The following TPGS2 variants were observed in gnomAD, a reference collection of about 807,000 sequenced individuals.
TPGS2 encodes the protein tubulin polyglutamylase complex subunit 2, also known as polyglutamylase subunit 2.
A neutral mutation model predicts 31.1 loss-of-function variants in TPGS2; 26 were observed. The ratio of observed to expected loss-of-function variants is 0.84; its 90% CI spans 0.61 to 1.16. TPGS2 has a LOEUF of 1.16. Among genes scored for constraint, TPGS2 ranks in the 50% most tolerant of loss-of-function variants. The probability of loss-of-function intolerance (pLI) is 0.00; values close to 1 mark genes in which losing one functional copy is unlikely to be tolerated. For synonymous variants in TPGS2, 130 were observed against 136.6 expected, an observed-to-expected ratio of 0.95 and a Z score of 0.34; for missense variants, 351 against 363.8, an observed-to-expected ratio of 0.96 and a Z score of 0.29.
In TPGS2 at chr18:36,795,489, G is replaced by GTGAC. The variant is rs957142633; in HGVS notation, c.*1312_*1315dup. 2.0e-6 allele frequency: 2 copies of GTGAC among 985,440 alleles called. No individual in the cohort carries two copies. Among genetic ancestry groups the GTGAC allele is most frequent in the Admixed American group, 1.2e-4 (2 of 16,280 alleles). 61.0% of individuals were successfully genotyped at this position (985,440 alleles called of 1,614,324 possible). A position where few individuals can be genotyped will look rare whatever the true frequency, so the allele number is the denominator to read the frequency against. Reference sequence around the variant, plus strand: ...ACCCAAAGAACTTGGGGCTAGGTGGGTGACTCCCCACTTTCCCTGTTGGGA... The same window carrying GTGAC: ...ACCCAAAGAACTTGGGGCTAGGTGGGTGACTGACTCCCCACTTTCCCTGTTGGGA... On this transcript the variant is annotated 3_prime_UTR_variant, in exon 7 of 7. Transcript: ENST00000334295.
downstream of TPGS2, chr18:36,781,692 T>C: frequency 5.5e-6 from 5 of 904,788 alleles, no homozygotes; most frequent in Non-Finnish European, 6.6e-6. Flanking sequence ...CCTGGGGATA[T>C]GTGATTTATA....
In TPGS2 at chr18:36,796,302, T is replaced by C. The variant is rs1329696902; in HGVS notation, c.*503A>G. The C allele has an allele frequency of 1.0e-6, 1 of 981,724 alleles. No individual in the cohort carries two copies. The highest frequency in any genetic ancestry group is 1.7e-5 in the African/African-American group (1 of 57,146). The allele number at this position is 981,724 out of a possible 1,614,324, so 60.8% of individuals were successfully genotyped here. ...AGAACTTTCTGTGGTGATGGAAATGTTCCATATCTTTGTGCTAATACAGAA... is the reference window on the plus strand; with the variant it reads ...AGAACTTTCTGTGGTGATGGAAATGCTCCATATCTTTGTGCTAATACAGAA... On this transcript the variant is annotated 3_prime_UTR_variant, in exon 7 of 7. Coordinates refer to ENST00000334295, the MANE Select transcript of TPGS2 (RefSeq NM_015476.4).
At chr18:36,800,496 C>T (rs564899351) in intron 4 of TPGS2, among the ~76,000 whole-genome samples, 185 bp from the exon 5 acceptor site, 126 of 152,258 alleles carry the variant, frequency 8.3e-4, no homozygotes, top group Non-Finnish European at 1.1e-3. Context: ...TGGACTAGGC[C>T]TTCTGTCTGG....
chr18:36,821,299 C>T (rs940311847), intron 1 of TPGS2, among the ~76,000 whole-genome samples: 2 of 152,086 alleles, frequency 1.3e-5, no homozygotes, highest in African/African-American at 4.8e-5. Flanking sequence ...CAGACATTAG[C>T]GTGTAGAAGC....
downstream of TPGS2, among the ~76,000 whole-genome samples, chr18:36,792,672 G>A (rs2044356224): frequency 6.6e-6 from 1 of 152,148 alleles, no homozygotes; most frequent in Non-Finnish European, 1.5e-5. Flanking sequence ...AGTATGTCTG[G>A]AGGGGGATCT....
downstream of TPGS2, chr18:36,781,843 T>C (rs2044024417): frequency 1.0e-6 from 1 of 985,434 alleles, no homozygotes; most frequent in Non-Finnish European, 1.2e-6. Context: ...AAATAGTACA[T>C]GATGGATGTG....
chr18:36,825,304 C>T (rs2046081815), intron 1 of TPGS2, among the ~76,000 whole-genome samples: 1 of 151,788 alleles, frequency 6.6e-6, no homozygotes, highest in African/African-American at 2.4e-5. Context: ...TGGTGGTGGG[C>T]GCCTGGAGTC....
chr18:36,815,574 C>T lies in TPGS2; in HGVS notation c.165+3320G>A, dbSNP rs2045615069. Among the ~76,000 whole-genome samples the T allele has an allele frequency of 3.3e-5, 5 of 152,172 alleles. No homozygotes were observed. The South Asian group carries it at 1.0e-3, about 32-fold the overall frequency. On this transcript the variant is annotated intron_variant, in intron 2 of 6. Coordinates refer to ENST00000334295, the MANE Select transcript of TPGS2 (RefSeq NM_015476.4). ...ACCCACACACATAACCAAAAATACA[C>T]CAGCTGTGGTTATGTCTAGGTAGGA...
intron 1 of TPGS2, among the ~76,000 whole-genome samples, chr18:36,825,432 C>CAA (rs60365266): frequency 3.4e-4 from 26 of 77,320 alleles, no homozygotes; most frequent in South Asian, 5.0e-4. Flanking sequence ...ACTCCGTCTC[C>CAA]AAAAAAAAAA....
At chr18:36,780,255 C>T (rs575928858), downstream of TPGS2, 5 of 1,141,870 alleles carry the variant, frequency 4.4e-6, no homozygotes, top group African/African-American at 1.6e-5. Flanking sequence ...TATAATTGGG[C>T]CTAAGTCCTT....
chr18:36,800,319 C>T lies in TPGS2; in HGVS notation c.383-8G>A, dbSNP rs1471996478. The T allele has an allele frequency of 3.1e-6, 5 of 1,612,808 alleles. No individual in the cohort carries two copies. Among genetic ancestry groups the T allele is most frequent in the Non-Finnish European group, 4.2e-6 (5 of 1,178,968 alleles). ...CTGGCTGATCATCACTGGCTGCAAA[C>T]CCAGAAGTTAATGGTAATGTTCAAA... On this transcript the variant is annotated splice_region_variant and splice_polypyrimidine_tract_variant and intron_variant, in intron 4 of 6. Transcript: ENST00000334295.
At chr18:36,826,728 T>A (rs927713671) in intron 1 of TPGS2, among the ~76,000 whole-genome samples, 8 of 152,170 alleles carry the variant, frequency 5.3e-5, no homozygotes, top group African/African-American at 1.7e-4. Context: ...ATCTCCTGAG[T>A]CCTGTAATCC....
At position 36,828,900 on chromosome 18, in the gene TPGS2, G is replaced by GTCA. The variant is rs2046335349; in HGVS notation, c.-134_-133insTGA. 2.2e-5 allele frequency: 26 copies of GTCA among 1,169,186 alleles called. No homozygotes were observed. The highest frequency in any genetic ancestry group is 3.1e-5 in the Non-Finnish European group (26 of 841,012). The allele number at this position is 1,169,186 out of a possible 1,614,324, so 72.4% of individuals were successfully genotyped here. A position where few individuals can be genotyped will look rare whatever the true frequency, so the allele number is the denominator to read the frequency against. On this transcript the variant is annotated 5_prime_UTR_variant, in exon 1 of 7. Transcript: ENST00000334295. ...TGAAAGCGCGGCGCAGTGATGATGGGGGCCCGGGGTTGGTCTGACAGCAGC... is the reference window on the plus strand; with the variant it reads ...TGAAAGCGCGGCGCAGTGATGATGGGTCAGGCCCGGGGTTGGTCTGACAGCAGC...
Position 36,796,839 on chromosome 18 carries a change from G to T in TPGS2, c.869C>A (p.Ser290Tyr), listed in dbSNP as rs746670760. 1 of 1,605,374 alleles carries T rather than the reference G, an allele frequency of 6.2e-7. No individual in the cohort carries two copies. Among genetic ancestry groups the T allele is most frequent in the Admixed American group, 1.7e-5 (1 of 57,534 alleles). The change falls in exon 7 of 7, where the codon TCC becomes TAC. Residue 290 changes from serine to tyrosine, a missense_variant. Ser to Tyr is a moderately radical substitution (Grantham distance 144). Coordinates refer to ENST00000334295, the MANE Select transcript of TPGS2 (RefSeq NM_015476.4). Reference sequence around the variant, plus strand: ...GGTGGGGTTTCCAGAGCCAGAGGAGGATTTAGAAGTGGAGGAAGTGGAGGG... The same window carrying T: ...GGTGGGGTTTCCAGAGCCAGAGGAGTATTTAGAAGTGGAGGAAGTGGAGGG... ...SGPSTSSTSK[S>Y]SSGSGNPTRK
At chr18:36,786,697 G>T (rs2044138914) in intron 6 of TPGS2, 2 of 641,064 alleles carry the variant, frequency 3.1e-6, no homozygotes, top group African/African-American at 1.9e-5. Flanking sequence ...AAGGGAGGGG[G>T]TATGATGAGG....
At position 36,807,031 on chromosome 18, in the gene TPGS2, G is replaced by C. The variant is rs1002575081; in HGVS notation, c.253+816C>G. ...CAACAGAAGTCACTGCATTTTTAGG[G>C]ACAGCAGTGGGGAAATGTAGGGTAC... is the stretch of plus-strand genomic sequence containing the variant. On this transcript the variant is annotated intron_variant, in intron 3 of 6. Transcript: ENST00000334295. 4.0e-5 allele frequency among the ~76,000 whole-genome samples: 6 copies of C among 151,676 alleles called. No individual in the cohort carries two copies. In the East Asian group the frequency reaches 1.2e-3, roughly 29 times the overall value.
chr18:36,826,933 T>A (rs553422165), intron 1 of TPGS2, among the ~76,000 whole-genome samples: 55 of 152,382 alleles, frequency 3.6e-4, no homozygotes, highest in African/African-American at 1.1e-3. Flanking sequence ...GAGTTTTTTT[T>A]AATCAAGAAA....
chr18:36,802,036 G>A (rs2150580520), intron 4 of TPGS2, among the ~76,000 whole-genome samples: 1 of 152,290 alleles, frequency 6.6e-6, no homozygotes, highest in African/African-American at 2.4e-5. Flanking sequence ...TCTATTATGT[G>A]TTGAAGTTCT....
intron 6 of TPGS2, among the ~76,000 whole-genome samples, chr18:36,785,493 CTGAT>C (rs1035111132): frequency 6.6e-6 from 1 of 152,294 alleles, no homozygotes; most frequent in Non-Finnish European, 1.5e-5. Context: ...ATTTCCCACT[CTGAT>C]TGGTGAATGG....
Sources: allele counts gnomAD v4.1 joint callset (sites outside exome capture counted in the v4.1 genomes callset), GRCh38; gene constraint gnomAD v4.1.1; transcripts MANE v1.5; gene names NCBI Gene and HGNC (gene_info 2026-07-23, HGNC 2026-07-21).